Variants in TXK observed in about 807,000 individuals in gnomAD.
TXK encodes TXK tyrosine kinase.
A neutral mutation model predicts 81.0 loss-of-function variants in TXK; 60 were observed. The ratio of observed to expected loss-of-function variants is 0.74; its 90% confidence interval spans 0.60 to 0.92. TXK has a LOEUF of 0.92. Among genes scored for constraint, TXK ranks in the 40% least tolerant of loss-of-function variants. TXK has a pLI of 0.00. For missense variants in TXK, 581 were observed against 638.3 expected, an observed-to-expected ratio of 0.91 and a Z score of 0.97; for synonymous variants, 203 against 210.7, an observed-to-expected ratio of 0.96 and a Z score of 0.32.
intron 12 of TXK, among the ~76,000 whole-genome samples, 172 bp from the exon 13 acceptor site, chr4:48,074,225 CCAAA>C (rs1262156078): frequency 4.6e-5 from 7 of 152,164 alleles, no homozygotes; most frequent in Admixed American, 1.3e-4. Context: ...TGTTTCCTCC[CCAAA>C]CAAAGTCTCA....
rs933930168 is a variant in TXK at position 48,066,964 on chromosome 4, T to C, written c.*673A>G. 6.6e-6 allele frequency: 1 copy of C among 152,332 alleles called. No homozygotes were observed. The highest frequency in any genetic ancestry group is 6.5e-5 in the Admixed American group (1 of 15,298). The allele number at this position is 152,332 out of a possible 1,614,324, so 9.4% of individuals were successfully genotyped here. ...TCCGGATTTTCCTGGAAATAGAATG[T>C]CACCGGGATCTGTTCAAAGGTGAGC... On this transcript the variant is annotated 3_prime_UTR_variant, in exon 15 of 15. Transcript: ENST00000264316.
At chr4:48,072,703 G>T (rs1223182087) in intron 13 of TXK, among the ~76,000 whole-genome samples, 2 of 152,198 alleles carry the variant, frequency 1.3e-5, no homozygotes, top group African/African-American at 4.8e-5. Flanking sequence ...GGAGCTCACT[G>T]TTCAGTGAGG....
chr4:48,128,922 C>G (rs930174491), intron 1 of TXK, among the ~76,000 whole-genome samples: 1 of 151,882 alleles, frequency 6.6e-6, no homozygotes, highest in African/African-American at 2.4e-5. Context: ...ACGTTTTAGC[C>G]ACATTAACCC....
At chr4:48,125,520 C>T (rs185477799) in intron 1 of TXK, among the ~76,000 whole-genome samples, 39 of 152,314 alleles carry the variant, frequency 2.6e-4, no homozygotes, top group East Asian at 7.7e-4. Flanking sequence ...ATGTTTCCCC[C>T]GTTCAGGACT....
Position 48,071,572 on chromosome 4 carries a change from C to A in TXK, c.1460G>T (p.Arg487Leu). The A allele has an allele frequency of 6.2e-7, 1 of 1,614,080 alleles. No homozygotes were observed. The highest frequency in any genetic ancestry group is 1.1e-5 in the South Asian group (1 of 91,082). The part of the protein sequence containing the change: ...EAISEGFRLY[R>L]PHLAPMSIYE... ...TATGGACATTGGTGCCAGGTGAGGG[C>A]GATATAGCCTGAAGCCTTCAGAAAT... Residue 487 changes from arginine to leucine, a missense_variant, in exon 14 of 15, where the codon CGC becomes CTC. Coordinates refer to ENST00000264316, the MANE Select transcript of TXK (RefSeq NM_003328.3).
chr4:48,123,828 C>T (rs1175490988), intron 1 of TXK, among the ~76,000 whole-genome samples: 1 of 152,140 alleles, frequency 6.6e-6, no homozygotes, highest in African/African-American at 2.4e-5. Context: ...ATTATATCTT[C>T]CCCCACTTTC....
chr4:48,088,271 C>T (rs1393923477), intron 9 of TXK, among the ~76,000 whole-genome samples: 1 of 152,210 alleles, frequency 6.6e-6, no homozygotes, highest in African/African-American at 2.4e-5. Flanking sequence ...TACATCTAAA[C>T]ATATGCATAG....
intron 6 of TXK, among the ~76,000 whole-genome samples, chr4:48,098,042 C>G (rs1233605874): frequency 6.6e-6 from 1 of 152,098 alleles, no homozygotes; most frequent in African/African-American, 2.4e-5. Context: ...CCACCACGCC[C>G]GGCCAAAAGC....
At chr4:48,079,199 T>C (rs1371191591) in intron 11 of TXK, among the ~76,000 whole-genome samples, 1 of 152,198 alleles carries the variant, frequency 6.6e-6, no homozygotes, top group East Asian at 1.9e-4. Context: ...AAAACGAAGA[T>C]GATAACAGCC....
At chr4:48,073,111 A>G (rs1380791434) in intron 13 of TXK, among the ~76,000 whole-genome samples, 1 of 110,870 alleles carries the variant, frequency 9.0e-6, no homozygotes, top group African/African-American at 3.1e-5. Flanking sequence ...TTTTTTTGTA[A>G]AGACAGAGTC....
intron 4 of TXK, 46 bp from the exon 5 acceptor site, chr4:48,110,649 T>G: frequency 6.9e-7 from 1 of 1,453,636 alleles, no homozygotes; most frequent in Non-Finnish European, 9.6e-7. Context: ...GGCATGTTTG[T>G]GGCATTATCA....
At chr4:48,070,796 C>G (rs113618875) in intron 14 of TXK, among the ~76,000 whole-genome samples, 5,941 of 151,516 alleles carry the variant, frequency 0.039, 203 homozygotes, top group East Asian at 0.16. Context: ...CCAGGCTGGT[C>G]TCAAACTCCT....
intron 2 of TXK, 73 bp downstream of exon 2, chr4:48,114,275 A>G: frequency 1.3e-6 from 2 of 1,482,686 alleles, no homozygotes; most frequent in South Asian, 1.1e-5. Flanking sequence ...GCAAAGAGAC[A>G]TGGTGACTCC....
chr4:48,134,185 C>T lies in TXK; in HGVS notation c.-15G>A, dbSNP rs375498861. On this transcript the variant is annotated 5_prime_UTR_variant, in exon 1 of 15. Coordinates refer to ENST00000264316, the MANE Select transcript of TXK (RefSeq NM_003328.3). ...GAAAGGATCATGGTAGCCCCTTCTG[C>T]GGGGAGCACACAACAGTCTTCAGTT... 3.0e-5 allele frequency: 49 copies of T among 1,613,068 alleles called. No individual in the cohort carries two copies. Among genetic ancestry groups the T allele is most frequent in the Admixed American group, 2.0e-4 (12 of 59,864 alleles).
At chr4:48,079,776 C>T in intron 11 of TXK, 136 bp downstream of exon 11, 2 of 729,956 alleles carry the variant, frequency 2.7e-6, no homozygotes, top group Non-Finnish European at 4.6e-6. Context: ...TTACATTTTA[C>T]AACAAATTGC....
rs551401930 is a variant in TXK at position 48,128,629 on chromosome 4, G to C, written c.16+5526C>G. Among the ~76,000 whole-genome samples the C allele has an allele frequency of 2.3e-3, 303 of 132,264 alleles. 4 individuals are homozygous for C. Among genetic ancestry groups the C allele is most frequent in the East Asian group, 2.4e-3 (10 of 4,234 alleles). The allele number at this position is 132,264 out of a possible 152,430, so 86.8% of individuals were successfully genotyped here. A position where few individuals can be genotyped will look rare whatever the true frequency, so the allele number is the denominator to read the frequency against. ...CTCCCAGGCTGGAGTGTGGTGGCAC[G>C]ATCTCAGCTCACTGCAACCTCTGCT... On this transcript the variant is annotated intron_variant, in intron 1 of 14. Transcript: ENST00000264316.
chr4:48,110,526 G>C lies in TXK; in HGVS notation c.446+12C>G, dbSNP rs369726986. On this transcript the variant is annotated intron_variant, in intron 5 of 14. Coordinates refer to ENST00000264316, the MANE Select transcript of TXK (RefSeq NM_003328.3). ...CCTGATTTTCATAGGTTATATTTTGGAGAAGACTTACTCATATATTTCTAA... is the reference window on the plus strand; with the variant it reads ...CCTGATTTTCATAGGTTATATTTTGCAGAAGACTTACTCATATATTTCTAA... 3.1e-6 allele frequency: 5 copies of C among 1,589,050 alleles called. No individual in the cohort carries two copies. The African/African-American group carries it at 6.7e-5, about 21-fold the overall frequency.
chr4:48,089,006 A>C lies in TXK; in HGVS notation c.784+744T>G, dbSNP rs541114565. Among the ~76,000 whole-genome samples, 70 of 152,338 alleles carry C rather than the reference A, an allele frequency of 4.6e-4. 1 individual carries two copies. Among genetic ancestry groups the C allele is most frequent in the Non-Finnish European group, 7.2e-4 (49 of 68,028 alleles). On this transcript the variant is annotated intron_variant, in intron 9 of 14. Transcript: ENST00000264316. The stretch of plus-strand genomic sequence containing the variant: ...TTTACAAATACCACATTTGCTAGAA[A>C]GTGGTTCAAATTGAACTTTGTGCAT...
At chr4:48,073,879 C>T (rs1355211309) in intron 13 of TXK, 56 bp downstream of exon 13, 1 of 1,143,174 alleles carries the variant, frequency 8.7e-7, no homozygotes, top group African/African-American at 1.6e-5. Context: ...TTAAAAATAA[C>T]ACATTGCCCA....
Sources: allele counts gnomAD v4.1 joint callset (sites outside exome capture counted in the v4.1 genomes callset), GRCh38; gene constraint gnomAD v4.1.1; transcripts MANE v1.5; gene names NCBI Gene and HGNC (gene_info 2026-07-23, HGNC 2026-07-21).